The following NBEA variants were observed in gnomAD, a reference collection of about 807,000 sequenced individuals.
The protein encoded by NBEA is lysosomal-trafficking regulator 2.
In NBEA, 44 loss-of-function variants were observed where a neutral mutation model predicts 343.4. The ratio of observed to expected loss-of-function variants is 0.13; its 90% confidence interval spans 0.10 to 0.16. NBEA has a LOEUF of 0.16. Among genes scored for constraint, NBEA ranks in the 10% least tolerant of loss-of-function variants. The probability of loss-of-function intolerance (pLI) is 1.00; values close to 1 mark genes in which losing one functional copy is unlikely to be tolerated. For missense variants in NBEA, 2,555 were observed against 3,631.3 expected (o/e 0.70, Z 7.62); for synonymous variants, 1,175 against 1,238.7 (o/e 0.95, Z 1.08).
intron 41 of NBEA, among the ~76,000 whole-genome samples, chr13:35,532,508 T>C (rs2078313166): frequency 6.6e-6 from 1 of 152,148 alleles, no homozygotes; most frequent in African/African-American, 2.4e-5. Flanking sequence ...TTAATTATAA[T>C]TAAATAAGTA....
At chr13:35,066,541 A>G (rs1263653960) in intron 8 of NBEA, among the ~76,000 whole-genome samples, 1 of 151,988 alleles carries the variant, frequency 6.6e-6, no homozygotes, top group Non-Finnish European at 1.5e-5. Flanking sequence ...TCATTATCCA[A>G]TGTCTTTTTA....
intron 17 of NBEA, among the ~76,000 whole-genome samples, chr13:35,130,901 T>A (rs1371600366): frequency 6.6e-6 from 1 of 152,058 alleles, no homozygotes; most frequent in Non-Finnish European, 1.5e-5. Context: ...AAGAAGTTAT[T>A]CATTATACAA....
intron 49 of NBEA, among the ~76,000 whole-genome samples, chr13:35,633,482 G>A (rs1444356922): frequency 6.6e-6 from 1 of 151,406 alleles, no homozygotes; most frequent in Non-Finnish European, 1.5e-5. Flanking sequence ...TGGATCACTA[G>A]GTCAGGAGTT....
chr13:35,449,465 A>G (rs1188670106), intron 39 of NBEA, among the ~76,000 whole-genome samples: 1 of 152,212 alleles, frequency 6.6e-6, no homozygotes, highest in Non-Finnish European at 1.5e-5. Context: ...CAATTAGCTC[A>G]GTAAGAGAAA....
chr13:35,003,560 A>G (rs768080855), intron 1 of NBEA, among the ~76,000 whole-genome samples: 1 of 152,168 alleles, frequency 6.6e-6, no homozygotes, highest in Non-Finnish European at 1.5e-5. Context: ...GATTTTAGGA[A>G]GGATAAAGAG....
chr13:35,422,679 G>A (rs2044371710), intron 38 of NBEA, among the ~76,000 whole-genome samples: 1 of 152,174 alleles, frequency 6.6e-6, no homozygotes, highest in South Asian at 2.1e-4. Flanking sequence ...TGGGGTGGCT[G>A]GGTCAAATGG....
At chr13:35,629,812 T>G (rs1225794749) in intron 49 of NBEA, among the ~76,000 whole-genome samples, 1 of 152,222 alleles carries the variant, frequency 6.6e-6, no homozygotes, top group Non-Finnish European at 1.5e-5. Flanking sequence ...ATTAAATACT[T>G]TATAAACTAT....
At chr13:35,357,409 A>G (rs758778704) in intron 38 of NBEA, among the ~76,000 whole-genome samples, 43 of 151,828 alleles carry the variant, frequency 2.8e-4, no homozygotes, top group Non-Finnish European at 6.2e-4. Flanking sequence ...AATTAAGCCT[A>G]GTATCTGTTA....
chr13:35,120,463 A>G (rs1372911610), intron 16 of NBEA, among the ~76,000 whole-genome samples: 1 of 152,222 alleles, frequency 6.6e-6, no homozygotes, highest in East Asian at 1.9e-4. Flanking sequence ...GATGAAAAAA[A>G]TAGGCTTATT....
chr13:35,600,982 G>A (rs1221628502), intron 47 of NBEA, among the ~76,000 whole-genome samples: 1 of 152,114 alleles, frequency 6.6e-6, no homozygotes, highest in Non-Finnish European at 1.5e-5. Flanking sequence ...TTCGACACTA[G>A]CCTGGCCAAC....
At chr13:35,049,650 A>C (rs2062994862) in intron 5 of NBEA, among the ~76,000 whole-genome samples, 1 of 151,878 alleles carries the variant, frequency 6.6e-6, no homozygotes, top group Non-Finnish European at 1.5e-5. Context: ...GGGAGATCAT[A>C]CATTAATTTC....
intron 38 of NBEA, among the ~76,000 whole-genome samples, chr13:35,402,624 A>G (rs911045217): frequency 6.6e-6 from 1 of 152,140 alleles, no homozygotes; most frequent in African/African-American, 2.4e-5. Context: ...CCAAGTTAAG[A>G]GCTTTTGTAA....
At chr13:35,658,540 T>A (rs1008359505) in intron 55 of NBEA, among the ~76,000 whole-genome samples, 2 of 152,154 alleles carry the variant, frequency 1.3e-5, no homozygotes, top group South Asian at 4.1e-4. Context: ...CCTCTGACTT[T>A]CTAGAGTTTA....
intron 31 of NBEA, among the ~76,000 whole-genome samples, chr13:35,200,473 A>T (rs1477439233): frequency 1.3e-5 from 2 of 150,510 alleles, no homozygotes; most frequent in East Asian, 1.9e-4. Context: ...AAAAAAAAAA[A>T]TAGAGGGCAA....
At chr13:35,189,959 T>C (rs1329592260) in intron 30 of NBEA, among the ~76,000 whole-genome samples, 1 of 152,044 alleles carries the variant, frequency 6.6e-6, no homozygotes, top group Non-Finnish European at 1.5e-5. Flanking sequence ...TCCTCAGCTC[T>C]GTGGTAGCTT....
At chr13:35,226,724 C>CA (rs1229089561) in intron 33 of NBEA, among the ~76,000 whole-genome samples, 3 of 147,400 alleles carry the variant, frequency 2.0e-5, no homozygotes, top group East Asian at 4.0e-4. Context: ...TAGCACACTC[C>CA]AAAAAACTTT....
intron 1 of NBEA, among the ~76,000 whole-genome samples, chr13:35,026,922 T>C (rs558729763): frequency 6.6e-6 from 1 of 152,252 alleles, no homozygotes; most frequent in South Asian, 2.1e-4. Flanking sequence ...TAACCCTAAC[T>C]CTTGGTAACT....
intron 39 of NBEA, among the ~76,000 whole-genome samples, chr13:35,434,484 T>C (rs966655926): frequency 6.6e-6 from 1 of 151,868 alleles, no homozygotes; most frequent in African/African-American, 2.4e-5. Flanking sequence ...AGAACAAAGA[T>C]GACACATCTA....
intron 1 of NBEA, among the ~76,000 whole-genome samples, chr13:34,973,981 C>G (rs575387420): frequency 6.6e-6 from 1 of 152,168 alleles, no homozygotes; most frequent in Non-Finnish European, 1.5e-5. Flanking sequence ...CTCTTTGTGT[C>G]AGACTGAAGG....
Sources: gnomAD v4.1 joint callset for allele counts (sites outside exome capture counted in the v4.1 genomes callset) on GRCh38, gnomAD v4.1.1 for gene constraint, MANE v1.5 for transcripts, NCBI Gene and HGNC (gene_info 2026-07-23, HGNC 2026-07-21) for gene names.